Variants in LRIG2 observed in about 807,000 individuals in gnomAD.
The protein encoded by LRIG2 is leucine-rich repeats and immunoglobulin-like domains protein 2.
A neutral mutation model predicts 107.8 loss-of-function variants in LRIG2; 93 were observed. The ratio of observed to expected loss-of-function variants is 0.86; its 90% CI spans 0.73 to 1.03. The LOEUF (loss-of-function observed/expected upper bound fraction) is 1.03. LRIG2 is among the 50% of genes least tolerant of loss of function. The probability of loss-of-function intolerance (pLI) is 0.00; values close to 1 mark genes in which losing one functional copy is unlikely to be tolerated. For synonymous variants in LRIG2, 471 were observed against 470.6 expected, an observed-to-expected ratio of 1.00 and a Z score of -0.01; for missense variants, 1,226 against 1,296.0, an observed-to-expected ratio of 0.95 and a Z score of 0.83.
chr1:113,101,782 A>G (rs1654316908), intron 11 of LRIG2, among the ~76,000 whole-genome samples: 1 of 152,216 alleles, frequency 6.6e-6, no homozygotes, highest in Non-Finnish European at 1.5e-5. Flanking sequence ...CACCTCCCTC[A>G]GGGTTATGTG....
At chr1:113,107,499 G>A in intron 11 of LRIG2, 95 bp from the exon 12 acceptor site, 1 of 1,158,364 alleles carries the variant, frequency 8.6e-7, no homozygotes, top group Non-Finnish European at 1.2e-6. Flanking sequence ...TTTTTGGCAA[G>A]AATAATGGAT....
In LRIG2 at chr1:113,095,592, A is replaced by G. The variant is rs1424665027; in HGVS notation, c.804-282A>G. Among the ~76,000 whole-genome samples the G allele has an allele frequency of 2.0e-5, 3 of 151,822 alleles. No homozygotes were observed. In the East Asian group the frequency reaches 5.9e-4, roughly 30 times the overall value. On this transcript the variant is annotated intron_variant, in intron 6 of 17. Transcript: ENST00000361127. ...CCCAGTTAATTTTTGTATTTTTAGT[A>G]GAGATGGGGTTTTACCATGTTGGTC...
chr1:113,093,337 T>A, intron 3 of LRIG2, 57 bp downstream of exon 3: 1 of 1,555,462 alleles, frequency 6.4e-7, no homozygotes, highest in South Asian at 1.2e-5. Context: ...TACATTTTTT[T>A]TTTAAAGCAC....
chr1:113,129,778 C>T lies in LRIG2; in HGVS notation c.*5677C>T, dbSNP rs545367276. The T allele has an allele frequency of 6.6e-5, 10 of 152,230 alleles. No individual in the cohort carries two copies. The highest frequency in any genetic ancestry group is 2.2e-4 in the African/African-American group (9 of 41,528). 9.4% of individuals were successfully genotyped at this position (152,230 alleles called of 1,614,324 possible). On this transcript the variant is annotated 3_prime_UTR_variant, in exon 18 of 18. Transcript: ENST00000361127. The stretch of plus-strand genomic sequence containing the variant: ...ATACATTCTCTTGATTTGTTTGTCC[C>T]CTTTCAGGCTGATTCTCCACTTCCA...
intron 17 of LRIG2, among the ~76,000 whole-genome samples, chr1:113,121,239 TG>T (rs1655240485): frequency 6.6e-6 from 1 of 152,252 alleles, no homozygotes; most frequent in Admixed American, 6.5e-5. Flanking sequence ...AACGCAGTTT[TG>T]GGCTTGTGTC....
intron 8 of LRIG2, among the ~76,000 whole-genome samples, chr1:113,097,981 TTA>T (rs1426080314): frequency 2.0e-5 from 3 of 152,216 alleles, no homozygotes; most frequent in Non-Finnish European, 4.4e-5. Flanking sequence ...TACATGTCCC[TTA>T]TAAAGTAGAA....
At chr1:113,122,863 C>T (rs1310735798) in intron 17 of LRIG2, among the ~76,000 whole-genome samples, 1 of 152,288 alleles carries the variant, frequency 6.6e-6, no homozygotes, top group East Asian at 1.9e-4. Flanking sequence ...TTGAGAAACC[C>T]TGCTCTAGCT....
In LRIG2 at chr1:113,073,254, T is replaced by A. The variant is rs1652771105; in HGVS notation, c.-153T>A. ...CAGGCCGTCGACCCCGCTGTCGCGC[T>A]GCGTCTGCTCCTTGCATGCCTTTAG... On this transcript the variant is annotated 5_prime_UTR_variant, in exon 1 of 18. Coordinates refer to ENST00000361127, the MANE Select transcript of LRIG2 (RefSeq NM_014813.3). 6 of 678,212 alleles carry A rather than the reference T, an allele frequency of 8.8e-6. No individual in the cohort carries two copies. Among genetic ancestry groups the A allele is most frequent in the African/African-American group, 3.6e-5 (2 of 55,992 alleles). The allele number at this position is 678,212 out of a possible 1,614,324, so 42.0% of individuals were successfully genotyped here.
rs981436375 is a variant in LRIG2 at position 113,125,521 on chromosome 1, C to T, written c.*1420C>T. On this transcript the variant is annotated 3_prime_UTR_variant, in exon 18 of 18. Transcript: ENST00000361127. ...ATTGAGGAAGGTTCAGTCATTCCTT[C>T]AGGAACCAATGAGTTAGATCGGGTT... 6.6e-6 allele frequency: 1 copy of T among 152,112 alleles called. No individual in the cohort carries two copies. The highest frequency in any genetic ancestry group is 1.5e-5 in the Non-Finnish European group (1 of 68,030). The allele number at this position is 152,112 out of a possible 1,614,324, so 9.4% of individuals were successfully genotyped here.
rs570078798 is a variant in LRIG2, at chr1:113,118,830, A to G, written c.2681-403A>G. Among the ~76,000 whole-genome samples the G allele has an allele frequency of 6.6e-4, 100 of 152,138 alleles. 2 individuals carry two copies. The highest frequency in any genetic ancestry group is 6.1e-3 in the Admixed American group (93 of 15,278). The stretch of plus-strand genomic sequence containing the variant: ...CCGGTGCACGCCACCACGCCTGGCT[A>G]ATTTTTTGTATTTTTAGTAGAGATG... On this transcript the variant is annotated intron_variant, in intron 16 of 17. Transcript: ENST00000361127.
At chr1:113,110,188 C>G in intron 12 of LRIG2, 54 bp from the exon 13 acceptor site, 1 of 1,301,946 alleles carries the variant, frequency 7.7e-7, no homozygotes, top group Non-Finnish European at 1.1e-6. Flanking sequence ...AAAATTGAAT[C>G]TAAAGCAAAA....
At chr1:113,094,982 A>T (rs145193564) in intron 6 of LRIG2, among the ~76,000 whole-genome samples, 969 of 50,508 alleles carry the variant, frequency 0.019, 13 homozygotes, top group African/African-American at 0.033. Context: ...ATATATATAT[A>T]TATTTTTTTT....
intron 17 of LRIG2, 79 bp downstream of exon 17, chr1:113,119,602 C>G: frequency 7.3e-7 from 1 of 1,372,756 alleles, no homozygotes; most frequent in East Asian, 2.4e-5. Flanking sequence ...AGGTAGTGCT[C>G]TCATTTGACA....
In LRIG2 at chr1:113,128,741, C is replaced by G. The variant is rs1655583055; in HGVS notation, c.*4640C>G. Reference sequence around the variant, plus strand: ...AATCTTGACTCAGTTGAAAAACCACCCATTGCTCTCTAGAGCAGAATGTCT... The same window carrying G: ...AATCTTGACTCAGTTGAAAAACCACGCATTGCTCTCTAGAGCAGAATGTCT... On this transcript the variant is annotated 3_prime_UTR_variant, in exon 18 of 18. Coordinates refer to ENST00000361127, the MANE Select transcript of LRIG2 (RefSeq NM_014813.3). The G allele has an allele frequency of 6.6e-6, 1 of 152,252 alleles. No individual in the cohort carries two copies. Among genetic ancestry groups the G allele is most frequent in the Admixed American group, 6.5e-5 (1 of 15,290 alleles). 9.4% of individuals were successfully genotyped at this position (152,252 alleles called of 1,614,324 possible). A position where few individuals can be genotyped will look rare whatever the true frequency, so the allele number is the denominator to read the frequency against.
chr1:113,094,492 G>T lies in LRIG2; in HGVS notation c.659+10G>T. ...CTCACCTCCAATTCTTGTGAGTAAC[G>T]AAATAGACGGATTATAAGAAGATAG... On this transcript the variant is annotated intron_variant, in intron 5 of 17. Coordinates refer to ENST00000361127, the MANE Select transcript of LRIG2 (RefSeq NM_014813.3). The T allele has an allele frequency of 6.2e-7, 1 of 1,600,168 alleles. No individual in the cohort carries two copies. The highest frequency in any genetic ancestry group is 8.5e-7 in the Non-Finnish European group (1 of 1,176,340).
rs1370281880 is a variant in LRIG2, at chr1:113,086,234, A to G, written c.240-5084A>G. Among the ~76,000 whole-genome samples the G allele has an allele frequency of 4.6e-5, 7 of 151,758 alleles. No homozygotes were observed. In the East Asian group the frequency reaches 1.4e-3, roughly 29 times the overall value. The stretch of plus-strand genomic sequence containing the variant: ...TGGCAAGGCTGGTCTTGAACTCCTG[A>G]CCTCAGGTGATCCACACGCCTCGGT... On this transcript the variant is annotated intron_variant, in intron 1 of 17. Coordinates refer to ENST00000361127, the MANE Select transcript of LRIG2 (RefSeq NM_014813.3).
In LRIG2 at chr1:113,124,538, C is replaced by T. The variant is rs141929843; in HGVS notation, c.*437C>T. On this transcript the variant is annotated 3_prime_UTR_variant, in exon 18 of 18. Coordinates refer to ENST00000361127, the MANE Select transcript of LRIG2 (RefSeq NM_014813.3). ...CTTTGGAGCCTTCTGGGAAGTGTGC[C>T]TGGGATTCTTCAGTGGTTTCAGGCA... The T allele has an allele frequency of 5.9e-6, 1 of 168,998 alleles. No homozygotes were observed. Among genetic ancestry groups the T allele is most frequent in the African/African-American group, 2.4e-5 (1 of 41,852 alleles). The allele number at this position is 168,998 out of a possible 1,614,324, so 10.5% of individuals were successfully genotyped here.
chr1:113,103,662 C>T (rs1654399983), intron 11 of LRIG2: 1 of 154,260 alleles, frequency 6.5e-6, no homozygotes, highest in African/African-American at 2.4e-5. Context: ...CCCCAGACCT[C>T]TCACCCAGGA....
chr1:113,106,177 G>A (rs567732132), intron 11 of LRIG2, among the ~76,000 whole-genome samples: 3 of 151,824 alleles, frequency 2.0e-5, no homozygotes, highest in African/African-American at 4.8e-5. Flanking sequence ...GCAGTGGGCC[G>A]AGATTGCGCC....
Sources: gnomAD v4.1 joint callset for allele counts (sites outside exome capture counted in the v4.1 genomes callset) on GRCh38, gnomAD v4.1.1 for gene constraint, MANE v1.5 for transcripts, NCBI Gene and HGNC (gene_info 2026-07-23, HGNC 2026-07-21) for gene names.